Variants in ENTREP2 observed in about 807,000 individuals in gnomAD.
ENTREP2 encodes the protein endosomal transmembrane epsin interactor 2.
chr15:29,123,000 G>A, the ENTREP2 span: 2 of 216,218 alleles, frequency 9.2e-6, no homozygotes, highest in Non-Finnish European at 1.8e-5. Flanking sequence ...GGTGACGTAA[G>A]TGTCGCCTGT....
At chr15:29,400,452 A>C in the ENTREP2 span, among the ~76,000 whole-genome samples, 1 of 152,218 alleles carries the variant, frequency 6.6e-6, no homozygotes, top group Non-Finnish European at 1.5e-5. Flanking sequence ...CAAAAAGACT[A>C]AATAATGTAT....
the ENTREP2 span, among the ~76,000 whole-genome samples, chr15:29,487,201 G>A: frequency 2.6e-5 from 4 of 152,148 alleles, no homozygotes; most frequent in African/African-American, 7.2e-5. Context: ...AGAAATTCAA[G>A]CATTCCAAAG....
At chr15:29,232,046 C>T in the ENTREP2 span, among the ~76,000 whole-genome samples, 4 of 151,974 alleles carry the variant, frequency 2.6e-5, no homozygotes, top group African/African-American at 7.2e-5. Flanking sequence ...TGGGCCACCA[C>T]GTCTGGCTAA....
the ENTREP2 span, among the ~76,000 whole-genome samples, chr15:29,643,985 G>A: frequency 1.3e-5 from 2 of 152,052 alleles, no homozygotes; most frequent in African/African-American, 2.4e-5. Flanking sequence ...AAGCTTGTAC[G>A]TGAATGTTCA....
the ENTREP2 span, among the ~76,000 whole-genome samples, chr15:29,616,394 A>T: frequency 6.6e-6 from 1 of 152,146 alleles, no homozygotes; most frequent in African/African-American, 2.4e-5. Context: ...GATGGCTGTC[A>T]GAGGGCTCAC....
chr15:29,165,993 CCAGGGATG>C, the ENTREP2 span, among the ~76,000 whole-genome samples: 8 of 152,118 alleles, frequency 5.3e-5, no homozygotes, highest in Non-Finnish European at 1.2e-4. Context: ...GAGTTTCATA[CCAGGGATG>C]CAGGGATGGT....
the ENTREP2 span, among the ~76,000 whole-genome samples, chr15:29,581,903 T>C: frequency 6.6e-5 from 10 of 151,444 alleles, no homozygotes; most frequent in Admixed American, 2.6e-4. Flanking sequence ...TCAATGTAAC[T>C]GAATAGAGAA....
chr15:29,434,368 C>T, the ENTREP2 span, among the ~76,000 whole-genome samples: 164 of 152,328 alleles, frequency 1.1e-3, 1 homozygote, highest in African/African-American at 3.8e-3. Context: ...CCTTCGCCTT[C>T]CTAAACAAGC....
chr15:29,526,100 A>C, the ENTREP2 span, among the ~76,000 whole-genome samples: 17 of 152,216 alleles, frequency 1.1e-4, no homozygotes, highest in African/African-American at 4.1e-4. Flanking sequence ...ACCCTGAAGT[A>C]CAAGAATTGA....
At chr15:29,211,636 C>G in the ENTREP2 span, among the ~76,000 whole-genome samples, 1 of 152,138 alleles carries the variant, frequency 6.6e-6, no homozygotes. Flanking sequence ...GCTTTTATTA[C>G]AGTGAGATAT....
chr15:29,141,979 T>G, the ENTREP2 span, among the ~76,000 whole-genome samples: 1 of 152,164 alleles, frequency 6.6e-6, no homozygotes, highest in Non-Finnish European at 1.5e-5. Context: ...GAAATAGGGA[T>G]GCAGACAGGA....
chr15:29,611,717 C>T, the ENTREP2 span, among the ~76,000 whole-genome samples: 1 of 152,148 alleles, frequency 6.6e-6, no homozygotes, highest in Non-Finnish European at 1.5e-5. Context: ...GTTTTCTGCT[C>T]CTCCCAAACC....
the ENTREP2 span, among the ~76,000 whole-genome samples, chr15:29,439,944 G>C: frequency 6.6e-6 from 1 of 152,126 alleles, no homozygotes; most frequent in Non-Finnish European, 1.5e-5. Context: ...ATGTGATGAG[G>C]GGGGTACCTT....
At chr15:29,428,362 C>T in the ENTREP2 span, among the ~76,000 whole-genome samples, 71 of 152,166 alleles carry the variant, frequency 4.7e-4, 1 homozygote, top group East Asian at 3.9e-3. Flanking sequence ...TACAGGTGCT[C>T]GCCACCACAC....
the ENTREP2 span, among the ~76,000 whole-genome samples, chr15:29,155,868 C>T: frequency 1.3e-5 from 2 of 152,094 alleles, no homozygotes; most frequent in Non-Finnish European, 2.9e-5. Context: ...CCTGCTACTC[C>T]ATCTTGGCCA....
chr15:29,347,650 T>C, the ENTREP2 span, among the ~76,000 whole-genome samples: 1 of 152,056 alleles, frequency 6.6e-6, no homozygotes, highest in Non-Finnish European at 1.5e-5. Flanking sequence ...TTAAAAACCA[T>C]GGAGAAAGGA....
the ENTREP2 span, among the ~76,000 whole-genome samples, chr15:29,633,278 C>T: frequency 6.6e-6 from 1 of 152,082 alleles, no homozygotes; most frequent in South Asian, 2.1e-4. Context: ...AGCACATGTA[C>T]CAGCTTTCCA....
chr15:29,502,998 C>T, the ENTREP2 span, among the ~76,000 whole-genome samples: 2 of 151,936 alleles, frequency 1.3e-5, no homozygotes, highest in Non-Finnish European at 2.9e-5. Flanking sequence ...GGAACTCATA[C>T]GTTGCTGATA....
chr15:29,401,551 TCTTATGTTGGCA>T, the ENTREP2 span, among the ~76,000 whole-genome samples: 8 of 152,350 alleles, frequency 5.3e-5, no homozygotes, highest in South Asian at 1.4e-3. Flanking sequence ...CTTAAACATT[TCTTATGTTGGCA>T]TAATTTGATG....
Sources: allele counts gnomAD v4.1 joint callset (sites outside exome capture counted in the v4.1 genomes callset), GRCh38; gene constraint gnomAD v4.1.1; transcripts MANE v1.5; gene names NCBI Gene and HGNC (gene_info 2026-07-23, HGNC 2026-07-21).